The following EIF4G3 variants were observed in gnomAD, a reference collection of about 807,000 sequenced individuals.
The protein encoded by EIF4G3 is eIF-4-gamma 3.
EIF4G3 carries 34 observed loss-of-function variants against 186.4 expected under a neutral mutation model. The ratio of observed to expected loss-of-function variants is 0.18; its 90% CI spans 0.14 to 0.24. The LOEUF is 0.24. EIF4G3 is among the 10% of genes least tolerant of loss of function. EIF4G3 has a pLI of 1.00. For missense variants in EIF4G3, 1,536 were observed against 1,948.5 expected, an observed-to-expected ratio of 0.79 and a Z score of 3.99; for synonymous variants, 673 against 679.5, an observed-to-expected ratio of 0.99 and a Z score of 0.15.
intron 29 of EIF4G3, chr1:20,847,783 AAC>A (rs1414564434): frequency 8.5e-6 from 4 of 471,560 alleles, no homozygotes; most frequent in African/African-American, 8.0e-5. Flanking sequence ...GTACATTTCC[AAC>A]AGTTTCTGCA....
At chr1:20,822,248 G>A (rs1397411260) in intron 33 of EIF4G3, among the ~76,000 whole-genome samples, 2 of 149,686 alleles carry the variant, frequency 1.3e-5, no homozygotes, top group East Asian at 4.0e-4. Flanking sequence ...CTGTGCTGAT[G>A]TTACCGCTTT....
intron 3 of EIF4G3, among the ~76,000 whole-genome samples, chr1:21,077,911 C>T (rs1264635771): frequency 2.0e-5 from 3 of 150,092 alleles, no homozygotes; most frequent in Non-Finnish European, 4.4e-5. Flanking sequence ...CAAAAAGACA[C>T]TGCCGAGAAA....
At chr1:20,953,857 T>C (rs2096308615) in intron 12 of EIF4G3, among the ~76,000 whole-genome samples, 1 of 152,204 alleles carries the variant, frequency 6.6e-6, no homozygotes, top group African/African-American at 2.4e-5. Flanking sequence ...ATGAAAATTA[T>C]ATAAAATTCA....
intron 4 of EIF4G3, among the ~76,000 whole-genome samples, chr1:21,034,227 C>T: frequency 6.6e-6 from 1 of 152,154 alleles, no homozygotes; most frequent in East Asian, 1.9e-4. Context: ...ACACCAGGGA[C>T]ATTAGTACTT....
chr1:20,960,422 T>G (rs112207407), intron 12 of EIF4G3, among the ~76,000 whole-genome samples: 2 of 151,806 alleles, frequency 1.3e-5, no homozygotes, highest in African/African-American at 4.8e-5. Context: ...GCCAAGATCA[T>G]GCCACTGAAC....
chr1:20,815,383 T>C (rs2060331984), intron 34 of EIF4G3, among the ~76,000 whole-genome samples: 1 of 129,256 alleles, frequency 7.7e-6, no homozygotes, highest in African/African-American at 2.9e-5. Context: ...GTGAGGAGCA[T>C]CTCTGCCTGA....
intron 2 of EIF4G3, among the ~76,000 whole-genome samples, chr1:21,110,926 G>T (rs1400838148): frequency 6.6e-6 from 1 of 152,138 alleles, no homozygotes; most frequent in East Asian, 1.9e-4. Context: ...AAACACTTTT[G>T]TTTCTTCCTT....
intron 12 of EIF4G3, among the ~76,000 whole-genome samples, chr1:20,955,780 A>G (rs929790499): frequency 6.6e-6 from 1 of 152,072 alleles, no homozygotes; most frequent in East Asian, 1.9e-4. Flanking sequence ...AAAAAGAAAA[A>G]CATTAGGTTT....
In EIF4G3 at chr1:21,158,729, A is replaced by G. The variant is rs928439342; in HGVS notation, c.-272+17446T>C. ...TCCAACGGTGAGTATACACACGTACATACATATACATACACACACACACTC... is the reference window on the plus strand; with the variant it reads ...TCCAACGGTGAGTATACACACGTACGTACATATACATACACACACACACTC... On this transcript the variant is annotated intron_variant, in intron 2 of 36. Transcript: ENST00000602326. Among the ~76,000 whole-genome samples, 59 of 140,600 alleles carry G rather than the reference A, an allele frequency of 4.2e-4. 1 individual carries two copies. Among genetic ancestry groups the G allele is most frequent in the African/African-American group, 1.5e-3 (59 of 39,794 alleles). 92.2% of individuals were successfully genotyped at this position (140,600 alleles called of 152,430 possible).
At chr1:21,152,919 C>T (rs774556799) in intron 2 of EIF4G3, among the ~76,000 whole-genome samples, 3 of 152,100 alleles carry the variant, frequency 2.0e-5, no homozygotes, top group Non-Finnish European at 2.9e-5. Flanking sequence ...GCCAGGAGTT[C>T]GAGGCTACAG....
At chr1:21,162,418 C>T (rs1240417344) in intron 2 of EIF4G3, among the ~76,000 whole-genome samples, 1 of 149,226 alleles carries the variant, frequency 6.7e-6, no homozygotes, top group Non-Finnish European at 1.5e-5. Context: ...CACAGCACTC[C>T]AGCCTGGGCA....
intron 11 of EIF4G3, among the ~76,000 whole-genome samples, chr1:20,971,577 C>A (rs536644013): frequency 6.6e-6 from 1 of 152,272 alleles, no homozygotes; most frequent in South Asian, 2.1e-4. Flanking sequence ...GATATATGCA[C>A]AAGTAATTTG....
At position 20,849,046 on chromosome 1, in the gene EIF4G3, C is replaced by CAAAAAA. The variant is rs60344352; in HGVS notation, c.3888+363_3888+368dup. ...TGGGCAACACAGCAAGACTCTGTCT[C>CAAAAAA]AAAAAAAAAAAAAAAAAAAAAAAAA... On this transcript the variant is annotated intron_variant, in intron 29 of 36. Coordinates refer to ENST00000602326, the MANE Select transcript of EIF4G3 (RefSeq NM_001391906.1). 1.4e-3 allele frequency among the ~76,000 whole-genome samples: 24 copies of CAAAAAA among 17,394 alleles called. 2 individuals are homozygous for CAAAAAA. The highest frequency in any genetic ancestry group is 3.2e-3 in the African/African-American group (20 of 6,290). 11.4% of individuals were successfully genotyped at this position (17,394 alleles called of 152,430 possible). A position where few individuals can be genotyped will look rare whatever the true frequency, so the allele number is the denominator to read the frequency against.
intron 4 of EIF4G3, among the ~76,000 whole-genome samples, chr1:21,027,339 C>T (rs1447346310): frequency 2.6e-5 from 4 of 151,368 alleles, no homozygotes; most frequent in East Asian, 4.0e-4. Context: ...ACTACAGGTG[C>T]GTGCCACCAT....
At chr1:21,156,567 G>A (rs1016558072) in intron 2 of EIF4G3, among the ~76,000 whole-genome samples, 8 of 152,050 alleles carry the variant, frequency 5.3e-5, no homozygotes, top group Non-Finnish European at 1.0e-4. Context: ...TCAAAACAAC[G>A]TATAAAATTA....
intron 24 of EIF4G3, among the ~76,000 whole-genome samples, chr1:20,859,877 G>A (rs534991413): frequency 1.8e-4 from 28 of 152,334 alleles, no homozygotes; most frequent in Middle Eastern, 3.4e-3. Flanking sequence ...ACAGGCATGA[G>A]CCACTGCGTC....
intron 7 of EIF4G3, among the ~76,000 whole-genome samples, chr1:20,992,562 T>C (rs981939208): frequency 1.3e-5 from 2 of 152,208 alleles, no homozygotes; most frequent in African/African-American, 4.8e-5. Context: ...CTGCTGATAG[T>C]GTACGCTGGT....
intron 15 of EIF4G3, 55 bp from the exon 16 acceptor site, chr1:20,899,998 A>G: frequency 6.5e-7 from 1 of 1,527,520 alleles, no homozygotes; most frequent in Non-Finnish European, 8.8e-7. Flanking sequence ...GTAAATATAC[A>G]TAAAAACCTA....
chr1:21,020,197 C>T (rs1290302076), intron 4 of EIF4G3, among the ~76,000 whole-genome samples: 1 of 152,048 alleles, frequency 6.6e-6, no homozygotes, highest in East Asian at 1.9e-4. Flanking sequence ...CAGAAATGAC[C>T]AATTTGCGGG....
Sources: gnomAD v4.1 joint callset for allele counts (sites outside exome capture counted in the v4.1 genomes callset) on GRCh38, gnomAD v4.1.1 for gene constraint, MANE v1.5 for transcripts, NCBI Gene and HGNC (gene_info 2026-07-23, HGNC 2026-07-21) for gene names.